The following ACADSB variants were observed in gnomAD, a reference collection of about 807,000 sequenced individuals.
ACADSB encodes short/branched chain specific acyl-CoA dehydrogenase, mitochondrial.
Under a neutral mutation model 54.1 loss-of-function variants are expected in ACADSB, and 40 were observed. The observed-to-expected ratio is 0.74, with a 90% CI of 0.57 to 0.96. The LOEUF (loss-of-function observed/expected upper bound fraction) is 0.96, where lower values mean the gene tolerates loss of function less well. Ranked by LOEUF, ACADSB falls within the 40% of genes least tolerant of loss-of-function variation. ACADSB has a pLI of 0.00. For missense variants in ACADSB, 530 were observed against 510.4 expected, an observed-to-expected ratio of 1.04 and a Z score of -0.37; for synonymous variants, 182 against 182.8, an observed-to-expected ratio of 1.00 and a Z score of 0.03.
At chr10:123,018,908 G>A (rs1427741218) in intron 1 of ACADSB, among the ~76,000 whole-genome samples, 1 of 152,118 alleles carries the variant, frequency 6.6e-6, no homozygotes, top group Non-Finnish European at 1.5e-5. Context: ...TGACACATGG[G>A]GATTATGGGA....
chr10:123,048,969 G>A (rs184734385), intron 8 of ACADSB, among the ~76,000 whole-genome samples: 24 of 152,254 alleles, frequency 1.6e-4, no homozygotes, highest in Admixed American at 1.3e-3. Context: ...GCCCGCTTCG[G>A]CCTCCCAAAG....
rs542160948 is a variant in ACADSB at position 123,021,898 on chromosome 10, CAA to C, written c.43-12456_43-12455del. 5.1e-3 allele frequency among the ~76,000 whole-genome samples: 773 copies of C among 152,122 alleles called. 12 individuals are homozygous for C. The highest frequency in any genetic ancestry group is 0.016 in the African/African-American group (650 of 41,492). On this transcript the variant is annotated intron_variant, in intron 1 of 10. Coordinates refer to ENST00000358776, the MANE Select transcript of ACADSB (RefSeq NM_001609.4). Reference sequence around the variant, plus strand: ...TCCTTGGTGACTTTTCTGTTTTTCCCAAAGAGTCCCATGCTCTCAGAAGTGAT... The same window carrying C: ...TCCTTGGTGACTTTTCTGTTTTTCCCAGAGTCCCATGCTCTCAGAAGTGAT...
chr10:123,014,760 G>C (rs539999395), intron 1 of ACADSB, among the ~76,000 whole-genome samples: 31 of 152,292 alleles, frequency 2.0e-4, no homozygotes, highest in Middle Eastern at 3.4e-3. Flanking sequence ...TAGGAGATGG[G>C]GCTTCAAGTG....
intron 7 of ACADSB, among the ~76,000 whole-genome samples, chr10:123,045,149 A>G (rs1564752878): frequency 3.0e-4 from 3 of 10,022 alleles, no homozygotes; most frequent in Non-Finnish European, 7.3e-4. Flanking sequence ...ATATATATAT[A>G]TATATATATA....
At chr10:123,020,497 A>C (rs1325273886) in intron 1 of ACADSB, among the ~76,000 whole-genome samples, 1 of 152,234 alleles carries the variant, frequency 6.6e-6, no homozygotes, top group Non-Finnish European at 1.5e-5. Context: ...CCACTGAAGG[A>C]CATCTGGATT....
intron 1 of ACADSB, among the ~76,000 whole-genome samples, chr10:123,029,977 A>G (rs1850304992): frequency 6.6e-6 from 1 of 152,186 alleles, no homozygotes; most frequent in South Asian, 2.1e-4. Context: ...CTCACTTGGC[A>G]GAACGGAAGG....
rs190614099 is a variant in ACADSB, at chr10:123,036,156, C to T, written c.203-1591C>T. Among the ~76,000 whole-genome samples the T allele has an allele frequency of 5.0e-3, 755 of 152,224 alleles. 4 individuals are homozygous for T. The highest frequency in any genetic ancestry group is 0.017 in the African/African-American group (712 of 41,542). On this transcript the variant is annotated intron_variant, in intron 2 of 10. Coordinates refer to ENST00000358776, the MANE Select transcript of ACADSB (RefSeq NM_001609.4). ...ATGTTGGAATGCAATGGCACTATCT[C>T]GGCTCACTGCAACCTCTGCCTCCTG...
intron 3 of ACADSB, among the ~76,000 whole-genome samples, chr10:123,038,582 TA>T (rs1029789400): frequency 3.9e-5 from 6 of 152,192 alleles, no homozygotes; most frequent in East Asian, 1.9e-4. Context: ...GTATAAAATA[TA>T]TTTTTTTTAA....
intron 1 of ACADSB, among the ~76,000 whole-genome samples, chr10:123,032,311 A>G (rs1272263041): frequency 6.6e-6 from 1 of 152,144 alleles, no homozygotes; most frequent in Non-Finnish European, 1.5e-5. Flanking sequence ...AAACTTAGGT[A>G]CAAAGGTGAT....
chr10:123,039,201 A>G (rs999485226), intron 3 of ACADSB, among the ~76,000 whole-genome samples: 2 of 152,172 alleles, frequency 1.3e-5, no homozygotes, highest in Non-Finnish European at 2.9e-5. Context: ...AGGTTTCCGG[A>G]GTGCCCTCCT....
intron 8 of ACADSB, among the ~76,000 whole-genome samples, chr10:123,049,244 T>C (rs1268513835): frequency 1.3e-5 from 2 of 152,268 alleles, no homozygotes; most frequent in African/African-American, 4.8e-5. Flanking sequence ...GTTCATATCT[T>C]TCTGACCTCA....
At position 123,053,099 on chromosome 10, in the gene ACADSB, G is replaced by T; in HGVS notation, c.1167G>T (p.Met389Ile). Residue 389 changes from methionine to isoleucine, a missense_variant, in exon 10 of 11, where the codon ATG becomes ATT. Met to Ile is a conservative substitution (Grantham distance 10, BLOSUM62 1). Coordinates refer to ENST00000358776, the MANE Select transcript of ACADSB (RefSeq NM_001609.4). ...GQTTSKCIEW[M>I]GGVGYTKDYP... is the part of the protein sequence containing the mutation. The stretch of plus-strand genomic sequence containing the variant: ...CAACGAGTAAATGTATCGAGTGGAT[G>T]GGGGGAGTAGGCTACACCAAAGATT... 6.2e-7 allele frequency: 1 copy of T among 1,613,858 alleles called. No individual in the cohort carries two copies. Among genetic ancestry groups the T allele is most frequent in the Non-Finnish European group, 8.5e-7 (1 of 1,179,806 alleles).
rs552960772 is a variant in ACADSB, at chr10:123,052,637, C to T, written c.1129-424C>T. 1.1e-3 allele frequency: 298 copies of T among 266,824 alleles called. 1 individual carries two copies. The highest frequency in any genetic ancestry group is 1.8e-3 in the Non-Finnish European group (244 of 137,220). 16.5% of individuals were successfully genotyped at this position (266,824 alleles called of 1,614,324 possible). ...GGCCATTCTGCAGGGTCTCTCGCTC[C>T]TCCATTCTCTTTTCACATTTCACCC... On this transcript the variant is annotated intron_variant, in intron 9 of 10. Coordinates refer to ENST00000358776, the MANE Select transcript of ACADSB (RefSeq NM_001609.4). This position sits in a 1 kb window ranked among gnomAD's most constrained non-coding sequence, Gnocchi z 4.2.
intron 1 of ACADSB, among the ~76,000 whole-genome samples, chr10:123,019,186 A>G (rs1350352124): frequency 2.6e-5 from 4 of 152,340 alleles, no homozygotes; most frequent in African/African-American, 7.2e-5. Flanking sequence ...TTATGCAGTT[A>G]TAAAAAGAAA....
intron 8 of ACADSB, among the ~76,000 whole-genome samples, chr10:123,048,959 G>T (rs191408502): frequency 6.6e-6 from 1 of 152,212 alleles, no homozygotes; most frequent in African/African-American, 2.4e-5. Context: ...CTCGTGATCT[G>T]CCCGCTTCGG....
At chr10:123,014,177 C>G (rs1157314124) in intron 1 of ACADSB, among the ~76,000 whole-genome samples, 1 of 152,226 alleles carries the variant, frequency 6.6e-6, no homozygotes, top group African/African-American at 2.4e-5. Context: ...ATTTCTCACT[C>G]TCACCTTCTC....
At chr10:123,018,410 G>C (rs1422278750) in intron 1 of ACADSB, among the ~76,000 whole-genome samples, 1 of 152,124 alleles carries the variant, frequency 6.6e-6, no homozygotes, top group Non-Finnish European at 1.5e-5. Flanking sequence ...TCTTAAAAGG[G>C]CAAGGCATTG....
intron 1 of ACADSB, among the ~76,000 whole-genome samples, chr10:123,019,885 C>T (rs377532325): frequency 5.9e-5 from 9 of 152,138 alleles, no homozygotes; most frequent in African/African-American, 1.7e-4. Flanking sequence ...CTCTAATCCT[C>T]GGTAAACACT....
At chr10:123,011,241 C>T (rs904450971) in intron 1 of ACADSB, among the ~76,000 whole-genome samples, 1 of 152,250 alleles carries the variant, frequency 6.6e-6, no homozygotes, top group Non-Finnish European at 1.5e-5. Flanking sequence ...CAGCATTTTA[C>T]ACCCACTACC....
Sources: allele counts gnomAD v4.1 joint callset (sites outside exome capture counted in the v4.1 genomes callset), GRCh38; gene constraint gnomAD v4.1.1; non-coding constraint Gnocchi (gnomAD v3.1); transcripts MANE v1.5; gene names NCBI Gene and HGNC (gene_info 2026-07-23, HGNC 2026-07-21).